The following RNLS variants were observed in gnomAD, a reference collection of about 807,000 sequenced individuals.
The protein encoded by RNLS is renalase, FAD dependent amine oxidase, also known as renalase.
In RNLS, 39 loss-of-function variants were observed where a neutral mutation model predicts 39.8. The observed-to-expected ratio is 0.98, with a 90% CI of 0.76 to 1.28. The LOEUF (loss-of-function observed/expected upper bound fraction) is 1.28, where lower values mean the gene tolerates loss of function less well. Ranked by LOEUF, RNLS falls within the 50% of genes most tolerant of loss-of-function variation. RNLS has a pLI of 0.00. For missense variants in RNLS, 410 were observed against 413.3 expected (o/e 0.99, Z 0.07); for synonymous variants, 147 against 150.7 (o/e 0.98, Z 0.18).
chr10:88,181,532 A>C, the RNLS span, among the ~76,000 whole-genome samples: 2 of 152,172 alleles, frequency 1.3e-5, no homozygotes, highest in Non-Finnish European at 2.9e-5. Flanking sequence ...TTTGTTGTAT[A>C]CCTGGGTCAT....
chr10:88,205,950 A>G, the RNLS span, among the ~76,000 whole-genome samples: 112 of 152,332 alleles, frequency 7.4e-4, 1 homozygote, highest in African/African-American at 2.6e-3. Flanking sequence ...TGACCAACAG[A>G]GTAGCCTCAG....
intron 4 of RNLS, among the ~76,000 whole-genome samples, chr10:88,512,200 T>C (rs1846157482): frequency 6.6e-6 from 1 of 152,296 alleles, no homozygotes; most frequent in South Asian, 2.1e-4. Flanking sequence ...CAGCTATTTG[T>C]ATTACTTTCT....
intron 4 of RNLS, among the ~76,000 whole-genome samples, chr10:88,562,828 A>T (rs954119885): frequency 1.3e-5 from 2 of 152,136 alleles, no homozygotes; most frequent in Non-Finnish European, 1.5e-5. Context: ...TATCTCAATA[A>T]ATATAAAAGG....
At chr10:88,430,922 T>C (rs1223894749) in intron 4 of RNLS, among the ~76,000 whole-genome samples, 2 of 151,742 alleles carry the variant, frequency 1.3e-5, no homozygotes, top group African/African-American at 4.8e-5. Flanking sequence ...TTTATAGAGA[T>C]ATTGACCTGT....
At chr10:88,253,621 G>C in the RNLS span, among the ~76,000 whole-genome samples, 1 of 152,228 alleles carries the variant, frequency 6.6e-6, no homozygotes, top group Non-Finnish European at 1.5e-5. Context: ...TACCAAAGGA[G>C]TTTTCTAGTA....
chr10:88,384,523 G>C (rs1431419879), intron 4 of RNLS, among the ~76,000 whole-genome samples: 4 of 152,050 alleles, frequency 2.6e-5, no homozygotes, highest in Non-Finnish European at 4.4e-5. Context: ...TATGACCTTG[G>C]GAAAGGCTGT....
At chr10:88,460,425 T>C (rs117962618) in intron 4 of RNLS, among the ~76,000 whole-genome samples, 6,615 of 152,238 alleles carry the variant, frequency 0.043, 229 homozygotes, top group Non-Finnish European at 0.058. Flanking sequence ...TTAAATGACA[T>C]TGCCTCCAAG....
At chr10:88,342,646 G>A (rs55894538) in intron 5 of RNLS, among the ~76,000 whole-genome samples, 4 of 151,906 alleles carry the variant, frequency 2.6e-5, no homozygotes, top group Non-Finnish European at 4.4e-5. Context: ...TAAAATATAA[G>A]TATAAAATAA....
At chr10:88,252,079 T>C in the RNLS span, among the ~76,000 whole-genome samples, 1 of 152,194 alleles carries the variant, frequency 6.6e-6, no homozygotes, top group Non-Finnish European at 1.5e-5. Context: ...CAGATAAAAA[T>C]CAGCAGGTAC....
At chr10:88,198,538 T>C in the RNLS span, among the ~76,000 whole-genome samples, 5 of 152,200 alleles carry the variant, frequency 3.3e-5, no homozygotes, top group South Asian at 2.1e-4. Context: ...AAATCTCACG[T>C]TGAATTGTAA....
the RNLS span, among the ~76,000 whole-genome samples, chr10:88,178,464 G>T: frequency 6.6e-6 from 1 of 152,106 alleles, no homozygotes; most frequent in African/African-American, 2.4e-5. Context: ...CTCTCCTGTA[G>T]TTATGATTGT....
intron 4 of RNLS, among the ~76,000 whole-genome samples, chr10:88,570,635 A>G (rs2861367): frequency 0.021 from 3,227 of 152,306 alleles, 105 homozygotes; most frequent in South Asian, 0.076. Flanking sequence ...CCTAGCCATG[A>G]GGTGGGAATA....
At chr10:88,263,226 C>G in the RNLS span, among the ~76,000 whole-genome samples, 3 of 152,018 alleles carry the variant, frequency 2.0e-5, no homozygotes, top group African/African-American at 4.8e-5. Context: ...AAGTGAAATT[C>G]ATGACGAGAA....
chr10:88,344,709 A>G (rs1442423732), intron 5 of RNLS, among the ~76,000 whole-genome samples: 2 of 152,188 alleles, frequency 1.3e-5, no homozygotes, highest in Non-Finnish European at 2.9e-5. Context: ...ATATAACAAC[A>G]GCAAGAATTC....
intron 4 of RNLS, among the ~76,000 whole-genome samples, chr10:88,571,776 T>G (rs1262345813): frequency 6.6e-6 from 1 of 152,212 alleles, no homozygotes; most frequent in Non-Finnish European, 1.5e-5. Context: ...TTGCTGACAT[T>G]ACTTCCCTGT....
chr10:88,560,342 T>C (rs1457416764), intron 4 of RNLS, among the ~76,000 whole-genome samples: 1 of 150,550 alleles, frequency 6.6e-6, no homozygotes, highest in African/African-American at 2.4e-5. Flanking sequence ...AACCCAGTAA[T>C]GATCTTACAT....
the RNLS span, among the ~76,000 whole-genome samples, chr10:88,174,220 C>T: frequency 3.3e-5 from 5 of 151,882 alleles, no homozygotes; most frequent in Non-Finnish European, 5.9e-5. Flanking sequence ...TTCTTCTTTT[C>T]CAATTTGAAT....
At chr10:88,221,326 C>T in the RNLS span, among the ~76,000 whole-genome samples, 1 of 152,286 alleles carries the variant, frequency 6.6e-6, no homozygotes, top group Admixed American at 6.5e-5. Context: ...TCAGCAGTAC[C>T]ACTTATATAA....
At chr10:88,243,581 G>T in the RNLS span, among the ~76,000 whole-genome samples, 2 of 152,116 alleles carry the variant, frequency 1.3e-5, no homozygotes, top group Non-Finnish European at 2.9e-5. Context: ...AAAAATCAGG[G>T]CATCGATATT....
Sources: gnomAD v4.1 joint callset for allele counts (sites outside exome capture counted in the v4.1 genomes callset) on GRCh38, gnomAD v4.1.1 for gene constraint, MANE v1.5 for transcripts, NCBI Gene and HGNC (gene_info 2026-07-23, HGNC 2026-07-21) for gene names.